Variants in ST18 observed in about 807,000 individuals in gnomAD.
ST18 encodes the protein ST18 C2H2C-type zinc finger transcription factor.
A neutral mutation model predicts 110.0 loss-of-function variants in ST18; 50 were observed. The ratio of observed to expected loss-of-function variants is 0.45; its 90% CI spans 0.36 to 0.58. ST18 has a LOEUF of 0.58. Ranked by LOEUF, ST18 falls within the 20% of genes least tolerant of loss-of-function variation. The pLI is 0.00. For missense variants in ST18, 1,306 were observed against 1,280.1 expected (o/e 1.02, Z -0.31); for synonymous variants, 461 against 452.4 (o/e 1.02, Z -0.24).
rs1033279447 is a variant in ST18 at position 52,214,246 on chromosome 8, C to T, written c.12G>A (p.Glu4=). The change falls in exon 7 of 26, where the codon GAG becomes GAA. Residue 4 remains glutamate, a synonymous_variant. Coordinates refer to ENST00000689386, the MANE Select transcript of ST18 (RefSeq NM_001352837.2). MDA[E]AEDKTLRTRS... is the part of the protein sequence containing the mutation. Reference sequence around the variant, plus strand: ...GAGTACGCAGCGTTTTATCTTCAGCCTCTGCATCCATCTATAACATGAACA... The same window carrying T: ...GAGTACGCAGCGTTTTATCTTCAGCTTCTGCATCCATCTATAACATGAACA... 2.9e-5 allele frequency: 47 copies of T among 1,613,954 alleles called. No homozygotes were observed. Among genetic ancestry groups the T allele is most frequent in the Non-Finnish European group, 3.8e-5 (45 of 1,179,996 alleles).
chr8:52,383,104 G>T (rs1835205129), intron 2 of ST18, among the ~76,000 whole-genome samples: 1 of 152,004 alleles, frequency 6.6e-6, no homozygotes, highest in Non-Finnish European at 1.5e-5. Context: ...CTTGAAGCAA[G>T]CACTTACCTT....
At chr8:52,329,585 T>C (rs1477157631) in intron 2 of ST18, among the ~76,000 whole-genome samples, 1 of 151,944 alleles carries the variant, frequency 6.6e-6, no homozygotes, top group Non-Finnish European at 1.5e-5. Context: ...CAAAACCCAG[T>C]CTCTACTAAA....
intron 2 of ST18, among the ~76,000 whole-genome samples, chr8:52,403,014 T>C (rs1843270073): frequency 6.6e-6 from 1 of 152,110 alleles, no homozygotes; most frequent in Non-Finnish European, 1.5e-5. Flanking sequence ...AGTTCCAACT[T>C]CCTGGGGGTG....
At chr8:52,253,898 C>T (rs1174676500) in intron 2 of ST18, among the ~76,000 whole-genome samples, 1 of 152,180 alleles carries the variant, frequency 6.6e-6, no homozygotes, top group Admixed American at 6.5e-5. Context: ...TGCACCATGA[C>T]ATTTTATTCT....
intron 2 of ST18, among the ~76,000 whole-genome samples, chr8:52,245,146 C>T (rs1165884879): frequency 2.0e-5 from 3 of 152,098 alleles, no homozygotes; most frequent in Admixed American, 1.3e-4. Flanking sequence ...AGGTAAATAC[C>T]TTCATTCTAA....
At chr8:52,200,881 T>C (rs1284607184) in intron 8 of ST18, among the ~76,000 whole-genome samples, 1 of 152,174 alleles carries the variant, frequency 6.6e-6, no homozygotes, top group African/African-American at 2.4e-5. Flanking sequence ...AAGATAATGA[T>C]TTTAATTTTG....
At position 52,230,054 on chromosome 8, in the gene ST18, T is replaced by C. The variant is rs937052681; in HGVS notation, c.-441A>G. ...TACCTTCCCTAAAAGCTACTGGATC[T>C]GAACTGGAGAGTTTCCATCACTCCT... On this transcript the variant is annotated 5_prime_UTR_variant, in exon 3 of 26. Transcript: ENST00000689386. The C allele has an allele frequency of 6.6e-6, 1 of 152,556 alleles. No homozygotes were observed. The highest frequency in any genetic ancestry group is 1.5e-5 in the Non-Finnish European group (1 of 68,028). The allele number at this position is 152,556 out of a possible 1,614,324, so 9.5% of individuals were successfully genotyped here. A position where few individuals can be genotyped will look rare whatever the true frequency, so the allele number is the denominator to read the frequency against.
intron 2 of ST18, among the ~76,000 whole-genome samples, chr8:52,243,081 G>C (rs74598727): frequency 0.034 from 5,232 of 152,202 alleles, 288 homozygotes; most frequent in African/African-American, 0.12. Context: ...GATCTAATAT[G>C]TAGCATCAGA....
intron 9 of ST18, among the ~76,000 whole-genome samples, chr8:52,177,118 C>T (rs968133075): frequency 2.6e-5 from 4 of 152,152 alleles, no homozygotes; most frequent in Non-Finnish European, 5.9e-5. Context: ...ATCTTCCTTC[C>T]GGAGACTTTC....
At chr8:52,282,225 A>C (rs1215113833) in intron 2 of ST18, among the ~76,000 whole-genome samples, 11 of 152,134 alleles carry the variant, frequency 7.2e-5, no homozygotes, top group African/African-American at 2.7e-4. Flanking sequence ...AAGAAGAAAA[A>C]ACCCAAGAGA....
chr8:52,151,195 C>T lies in ST18; in HGVS notation c.1807-1218G>A, dbSNP rs114602230. 2.2e-3 allele frequency among the ~76,000 whole-genome samples: 333 copies of T among 152,132 alleles called. 1 individual carries two copies. Among genetic ancestry groups the T allele is most frequent in the African/African-American group, 7.5e-3 (311 of 41,472 alleles). On this transcript the variant is annotated intron_variant, in intron 15 of 25. Transcript: ENST00000689386. ...TTTAACTCTTCCCTTTAAACAACCC[C>T]CCACTCCCAACCCCCAAACAGGCGC... is the stretch of plus-strand genomic sequence containing the variant.
intron 8 of ST18, among the ~76,000 whole-genome samples, chr8:52,192,322 T>C (rs1351187992): frequency 6.6e-6 from 1 of 152,236 alleles, no homozygotes; most frequent in Non-Finnish European, 1.5e-5. Context: ...ATTCTGGGCA[T>C]GGATTTGCCT....
At chr8:52,243,909 T>C (rs2093643692) in intron 2 of ST18, among the ~76,000 whole-genome samples, 1 of 152,012 alleles carries the variant, frequency 6.6e-6, no homozygotes, top group African/African-American at 2.4e-5. Flanking sequence ...GAGAGAGCTG[T>C]GCACGTGCAT....
At position 52,320,944 on chromosome 8, in the gene ST18, A is replaced by C. The variant is rs553695493; in HGVS notation, c.-465+88384T>G. ...CTCATCAATAGGGATATAATAGGGT[A>C]GATTCATACCATGAAATGTAGTTAA... On this transcript the variant is annotated intron_variant, in intron 2 of 25. Transcript: ENST00000689386. Among the ~76,000 whole-genome samples, 29 of 152,354 alleles carry C rather than the reference A, an allele frequency of 1.9e-4. No individual in the cohort carries two copies. The East Asian group carries it at 5.6e-3, about 29-fold the overall frequency.
intron 2 of ST18, among the ~76,000 whole-genome samples, chr8:52,297,284 A>G (rs2095650169): frequency 6.6e-6 from 1 of 152,164 alleles, no homozygotes; most frequent in Admixed American, 6.5e-5. Context: ...CCCTTTCCTC[A>G]TCTCTAAAAC....
intron 2 of ST18, among the ~76,000 whole-genome samples, chr8:52,235,131 G>A (rs553362980): frequency 6.6e-6 from 1 of 151,690 alleles, no homozygotes; most frequent in Admixed American, 6.6e-5. Flanking sequence ...AGTTTTAAAA[G>A]CAATAAGCAT....
chr8:52,279,875 A>G (rs771616644), intron 2 of ST18, among the ~76,000 whole-genome samples: 7 of 152,198 alleles, frequency 4.6e-5, no homozygotes, highest in Non-Finnish European at 8.8e-5. Context: ...AATGTACTTC[A>G]GGAGGAAAGA....
chr8:52,282,826 G>C (rs1247125872), intron 2 of ST18, among the ~76,000 whole-genome samples: 1 of 152,142 alleles, frequency 6.6e-6, no homozygotes, highest in African/African-American at 2.4e-5. Flanking sequence ...ATGGTGCCCA[G>C]TGCCTTCGGG....
chr8:52,285,366 A>G lies in ST18; in HGVS notation c.-464-55289T>C, dbSNP rs116943985. Reference sequence around the variant, plus strand: ...ATGACGATGGAACTTCTTGTTCCATATATCCAACATCTGTCGTTAACTTTC... The same window carrying G: ...ATGACGATGGAACTTCTTGTTCCATGTATCCAACATCTGTCGTTAACTTTC... On this transcript the variant is annotated intron_variant, in intron 2 of 25. Coordinates refer to ENST00000689386, the MANE Select transcript of ST18 (RefSeq NM_001352837.2). Among the ~76,000 whole-genome samples the G allele has an allele frequency of 6.6e-4, 100 of 152,334 alleles. 1 individual carries two copies. In the East Asian group the frequency reaches 0.012, roughly 18 times the overall value.
Sources: gnomAD v4.1 joint callset for allele counts (sites outside exome capture counted in the v4.1 genomes callset) on GRCh38, gnomAD v4.1.1 for gene constraint, MANE v1.5 for transcripts, NCBI Gene and HGNC (gene_info 2026-07-23, HGNC 2026-07-21) for gene names.